The following AAGAB variants were observed in gnomAD, a reference collection of about 807,000 sequenced individuals.
AAGAB encodes alpha and gamma adaptin binding protein.
AAGAB carries 38 observed loss-of-function variants against 44.1 expected under a neutral mutation model. That is an observed-to-expected ratio of 0.86 (90% CI 0.67 to 1.13). The LOEUF (loss-of-function observed/expected upper bound fraction) is 1.13, where lower values mean the gene tolerates loss of function less well. Among genes scored for constraint, AAGAB ranks in the 50% most tolerant of loss-of-function variants. The pLI is 0.00. For synonymous variants in AAGAB, 131 were observed against 131.8 expected, an observed-to-expected ratio of 0.99 and a Z score of 0.04; for missense variants, 450 against 373.8, an observed-to-expected ratio of 1.20 and a Z score of -1.68.
chr15:67,222,331 G>A (rs1248952437), intron 5 of AAGAB, among the ~76,000 whole-genome samples: 6 of 148,478 alleles, frequency 4.0e-5, no homozygotes. Context: ...CAAATTTCAA[G>A]TTGGGTCCCT....
At chr15:67,213,908 T>C (rs1053935490) in intron 5 of AAGAB, among the ~76,000 whole-genome samples, 2 of 152,364 alleles carry the variant, frequency 1.3e-5, no homozygotes, top group Middle Eastern at 3.4e-3. Flanking sequence ...TTCTTTATTG[T>C]ATTATCCTCT....
upstream of AAGAB, chr15:67,255,086 A>T (rs913156569): frequency 2.5e-6 from 2 of 813,900 alleles, no homozygotes; most frequent in Non-Finnish European, 4.1e-6. Flanking sequence ...GGCTCCCAAA[A>T]ATGCCCACCC....
chr15:67,201,613 A>C lies in AAGAB; in HGVS notation c.*1208T>G, dbSNP rs1963572130. On this transcript the variant is annotated 3_prime_UTR_variant, in exon 10 of 10. Coordinates refer to ENST00000261880, the MANE Select transcript of AAGAB (RefSeq NM_024666.5). The stretch of plus-strand genomic sequence containing the variant: ...CCTTCCATCCACTGTACTATGTGCC[A>C]GTTCAGAGCCACAGCAGTAATGATC... 1 of 152,420 alleles carries C rather than the reference A, an allele frequency of 6.6e-6. No individual in the cohort carries two copies. The highest frequency in any genetic ancestry group is 1.9e-4 in the East Asian group (1 of 5,338). The allele number at this position is 152,420 out of a possible 1,614,324, so 9.4% of individuals were successfully genotyped here.
intron 1 of AAGAB, among the ~76,000 whole-genome samples, chr15:67,237,279 G>A (rs1964493364): frequency 6.6e-6 from 1 of 152,122 alleles, no homozygotes; most frequent in South Asian, 2.1e-4. Flanking sequence ...AAATAGAAGA[G>A]CTACATATAT....
At chr15:67,231,168 T>C (rs1964325838) in intron 5 of AAGAB, among the ~76,000 whole-genome samples, 1 of 152,180 alleles carries the variant, frequency 6.6e-6, no homozygotes, top group African/African-American at 2.4e-5. Flanking sequence ...GTTTCCCAAG[T>C]AGCAGGGACC....
intron 5 of AAGAB, among the ~76,000 whole-genome samples, chr15:67,225,845 A>G (rs1037073172): frequency 2.0e-5 from 3 of 152,078 alleles, no homozygotes; most frequent in African/African-American, 7.2e-5. Flanking sequence ...TATACACACT[A>G]TTTTGTGTGC....
intron 1 of AAGAB, among the ~76,000 whole-genome samples, chr15:67,246,149 G>C (rs568915879): frequency 6.6e-6 from 1 of 152,330 alleles, no homozygotes; most frequent in Non-Finnish European, 1.5e-5. Context: ...GGGAGGCCAA[G>C]GTGAGCGGAT....
intron 1 of AAGAB, among the ~76,000 whole-genome samples, chr15:67,242,145 C>T (rs1964614737): frequency 7.0e-6 from 1 of 142,568 alleles, no homozygotes; most frequent in African/African-American, 2.5e-5. Flanking sequence ...ATATCGGGGC[C>T]GGGCGCGGTG....
At chr15:67,232,394 T>G (rs888607108) in intron 4 of AAGAB, 1 of 192,000 alleles carries the variant, frequency 5.2e-6, no homozygotes, top group Non-Finnish European at 1.1e-5. Context: ...TCAATAAGAA[T>G]ATTCTAGAGA....
Position 67,231,858 on chromosome 15 carries a change from T to C in AAGAB, c.491A>G (p.Gln164Arg), listed in dbSNP as rs1286409448. 1 of 1,612,706 alleles carries C rather than the reference T, an allele frequency of 6.2e-7. No homozygotes were observed. The highest frequency in any genetic ancestry group is 2.2e-5 in the East Asian group (1 of 44,838). ...PESTGVKRIV[Q>R]ALNANVWSNV... is the part of the protein sequence containing the mutation. ...GGACCACACATTGGCATTCAGGGCT[T>C]GGACAATTCGCTTTACTCCTGTAGA... The change falls in exon 5 of 10, where the codon CAA (glutamine) becomes CGA (arginine). Residue 164 changes from glutamine (Q) to arginine (R), a missense_variant. Gln to Arg is a conservative substitution (Grantham distance 43, BLOSUM62 1). Transcript: ENST00000261880.
intron 5 of AAGAB, among the ~76,000 whole-genome samples, chr15:67,213,441 G>A (rs370821689): frequency 6.6e-6 from 1 of 152,096 alleles, no homozygotes; most frequent in East Asian, 1.9e-4. Context: ...AACTTTAGAA[G>A]CATAAAATGC....
intron 1 of AAGAB, among the ~76,000 whole-genome samples, chr15:67,243,850 T>C (rs1368526062): frequency 6.6e-6 from 1 of 152,242 alleles, no homozygotes; most frequent in African/African-American, 2.4e-5. Context: ...CTATCTCTGA[T>C]AAAGTCTATC....
At chr15:67,254,340 CAGGA>C in intron 1 of AAGAB, 1 of 1,309,844 alleles carries the variant, frequency 7.6e-7, no homozygotes, top group Non-Finnish European at 1.0e-6. Flanking sequence ...TCACTTTACA[CAGGA>C]AGCCGAAAGG....
chr15:67,211,793 G>A (rs998447304), intron 5 of AAGAB, among the ~76,000 whole-genome samples: 2 of 152,100 alleles, frequency 1.3e-5, no homozygotes, highest in Non-Finnish European at 2.9e-5. Flanking sequence ...CCCTAAACTT[G>A]GCAGGCCAGA....
chr15:67,234,570 A>C (rs1964419499), intron 4 of AAGAB, among the ~76,000 whole-genome samples: 1 of 152,236 alleles, frequency 6.6e-6, no homozygotes. Context: ...AAGTCTAGGA[A>C]GGTTTTCATT....
In AAGAB at chr15:67,203,948, A is replaced by T. The variant is rs143201986; in HGVS notation, c.820+96T>A. The T allele has an allele frequency of 1.0e-3, 792 of 770,764 alleles. 10 individuals are homozygous for T. The Admixed American group carries it at 0.021, about 20-fold the overall frequency. The allele number at this position is 770,764 out of a possible 1,614,324, so 47.7% of individuals were successfully genotyped here. A position where few individuals can be genotyped will look rare whatever the true frequency, so the allele number is the denominator to read the frequency against. On this transcript the variant is annotated intron_variant, in intron 8 of 9. Coordinates refer to ENST00000261880, the MANE Select transcript of AAGAB (RefSeq NM_024666.5). ...TCTCAAGACAGCTGAGACCAGAACA[A>T]GGAATCCAATCCAGCAGTTAACAAA...
At chr15:67,233,715 C>T (rs1363512349) in intron 4 of AAGAB, among the ~76,000 whole-genome samples, 1 of 152,204 alleles carries the variant, frequency 6.6e-6, no homozygotes, top group African/African-American at 2.4e-5. Context: ...AACAATACCA[C>T]TCTATGCACA....
At chr15:67,225,998 A>T (rs373242669) in intron 5 of AAGAB, among the ~76,000 whole-genome samples, 1 of 152,160 alleles carries the variant, frequency 6.6e-6, no homozygotes, top group East Asian at 1.9e-4. Flanking sequence ...TCAGTGCACA[A>T]GGTTTCTAAT....
chr15:67,203,580 G>C lies in AAGAB; in HGVS notation c.838C>G (p.Pro280Ala). ...KEMKDKAATL[P>A]HEQRKVHAEK... ...GCATGCACTTTTCTTTGCTCATGAG[G>C]AAGCGTCGCAGCCTTGTCTAGGGGG... Residue 280 changes from proline to alanine, a missense_variant, in exon 9 of 10, where the codon CCT becomes GCT. Physicochemically the swap from Pro to Ala is conservative, Grantham distance 27. Coordinates refer to ENST00000261880, the MANE Select transcript of AAGAB (RefSeq NM_024666.5). 6.2e-7 allele frequency: 1 copy of C among 1,613,668 alleles called. No individual in the cohort carries two copies. Among genetic ancestry groups the C allele is most frequent in the Non-Finnish European group, 8.5e-7 (1 of 1,179,820 alleles).
Sources: allele counts gnomAD v4.1 joint callset (sites outside exome capture counted in the v4.1 genomes callset), GRCh38; gene constraint gnomAD v4.1.1; transcripts MANE v1.5; gene names NCBI Gene and HGNC (gene_info 2026-07-23, HGNC 2026-07-21).